The following SYTL2 variants were observed in gnomAD, a reference collection of about 807,000 sequenced individuals.
SYTL2 encodes the protein synaptotagmin-like protein 2.
Under a neutral mutation model 198.7 loss-of-function variants are expected in SYTL2, and 165 were observed. The ratio of observed to expected loss-of-function variants is 0.83; its 90% confidence interval spans 0.73 to 0.94. SYTL2 has a LOEUF of 0.94. SYTL2 is among the 40% of genes least tolerant of loss of function. SYTL2 has a pLI of 0.00. For missense variants in SYTL2, 2,835 were observed against 2,582.8 expected (o/e 1.10, Z -2.12); for synonymous variants, 966 against 917.7 (o/e 1.05, Z -0.95).
the SYTL2 span, among the ~76,000 whole-genome samples, chr11:85,817,619 C>T: frequency 2.0e-5 from 3 of 152,122 alleles, no homozygotes; most frequent in Admixed American, 1.3e-4. Context: ...ACATTCCCTA[C>T]CTCAGTTTTC....
Position 85,709,596 on chromosome 11 carries a change from A to G in SYTL2, c.5746-96T>C. The G allele has an allele frequency of 2.5e-6, 3 of 1,214,412 alleles. No individual in the cohort carries two copies. The South Asian group carries it at 4.1e-5, about 16-fold the overall frequency. 75.2% of individuals were successfully genotyped at this position (1,214,412 alleles called of 1,614,324 possible). ...TAATCCCTGCTGGCATTATTTCTTT[A>G]GCTTGCTTATAAAAGCAGTTAATTC... On this transcript the variant is annotated intron_variant, in intron 13 of 19. Coordinates refer to ENST00000359152, the MANE Select transcript of SYTL2 (RefSeq NM_206927.4).
chr11:85,853,361 C>A, the SYTL2 span: 2 of 442,474 alleles, frequency 4.5e-6, no homozygotes, highest in Non-Finnish European at 9.0e-6. Flanking sequence ...ATGACCTTGC[C>A]CCCAACCCGG....
chr11:85,834,222 A>G, the SYTL2 span, among the ~76,000 whole-genome samples: 1 of 152,146 alleles, frequency 6.6e-6, no homozygotes, highest in African/African-American at 2.4e-5. Flanking sequence ...AAAGAACAAA[A>G]TGGGACTACT....
chr11:85,785,925 T>C (rs2092628555), intron 1 of SYTL2, among the ~76,000 whole-genome samples: 1 of 152,226 alleles, frequency 6.6e-6, no homozygotes, highest in African/African-American at 2.4e-5. Flanking sequence ...GACCTGACTA[T>C]GTTACATAAT....
chr11:85,832,455 T>C, the SYTL2 span, among the ~76,000 whole-genome samples: 1 of 152,208 alleles, frequency 6.6e-6, no homozygotes, highest in African/African-American at 2.4e-5. Context: ...GTTAGACATA[T>C]AGCAGTGAAA....
Position 85,696,232 on chromosome 11 carries a change from G to A in SYTL2, c.6525C>T (p.Tyr2175=), listed in dbSNP as rs773600985. The change falls in exon 19 of 20, where the codon TAC becomes TAT. Residue 2175 remains tyrosine (Y), a synonymous_variant. Coordinates refer to ENST00000359152, the MANE Select transcript of SYTL2 (RefSeq NM_206927.4). The part of the protein sequence containing the change: ...ACVELTVWDH[Y]KLTNQFLGGL... ...CTCCCAAAAATTGGTTGGTTAATTTGTAATGGTCCCAGACAGTAAGCTCTA... is the reference window on the plus strand; with the variant it reads ...CTCCCAAAAATTGGTTGGTTAATTTATAATGGTCCCAGACAGTAAGCTCTA... The A allele has an allele frequency of 6.2e-7, 1 of 1,613,576 alleles. No individual in the cohort carries two copies. The highest frequency in any genetic ancestry group is 2.2e-5 in the East Asian group (1 of 44,820).
At chr11:85,813,001 G>C (rs2093055072), upstream of SYTL2, among the ~76,000 whole-genome samples, 1 of 152,168 alleles carries the variant, frequency 6.6e-6, no homozygotes. Flanking sequence ...TGGGTGCCTT[G>C]TATCATCTGG....
the SYTL2 span, among the ~76,000 whole-genome samples, chr11:85,833,071 GAAAGAAAGAAAGAAA>G: frequency 2.2e-5 from 1 of 45,464 alleles, no homozygotes; most frequent in Non-Finnish European, 4.7e-5. Flanking sequence ...AAGAAAGAAA[GAAAGAAAGAAAGAAA>G]GAAAGAAAGA....
intron 12 of SYTL2, among the ~76,000 whole-genome samples, chr11:85,712,123 T>C (rs1360034072): frequency 6.6e-6 from 1 of 152,228 alleles, no homozygotes; most frequent in Non-Finnish European, 1.5e-5. Context: ...GAGTAGTTAG[T>C]TCATGCCAGC....
intron 4 of SYTL2, among the ~76,000 whole-genome samples, chr11:85,745,025 T>A: frequency 6.6e-6 from 1 of 152,148 alleles, no homozygotes; most frequent in East Asian, 1.9e-4. Context: ...ATAATCTATA[T>A]CCTTAAGAGG....
chr11:85,749,495 TG>T (rs2091382021), intron 2 of SYTL2, among the ~76,000 whole-genome samples: 1 of 152,166 alleles, frequency 6.6e-6, no homozygotes, highest in Non-Finnish European at 1.5e-5. Flanking sequence ...CAGGCATACC[TG>T]GGAGTGGGAA....
chr11:85,731,866 G>A (rs899051832), intron 7 of SYTL2, among the ~76,000 whole-genome samples: 1 of 151,802 alleles, frequency 6.6e-6, no homozygotes, highest in African/African-American at 2.4e-5. Context: ...GAATCTACAA[G>A]GAACTTAAAT....
At chr11:85,695,379 C>A in intron 19 of SYTL2, 39 bp from the exon 20 acceptor site, 1 of 1,509,016 alleles carries the variant, frequency 6.6e-7, no homozygotes. Flanking sequence ...AGAAACAGCT[C>A]ATTGGGGGTA....
Position 85,745,744 on chromosome 11 carries a change from C to T in SYTL2, c.282G>A (p.Gly94=). ...AAEQSKDREN[G]AKESWVNNVN... ...CATTATTCACCCAGCTTTCCTTTGC[C>T]CCATTTTCTCTGTCTTTACTCTGCT... is the stretch of plus-strand genomic sequence containing the variant. The change falls in exon 4 of 20, where the codon GGG becomes GGA. Residue 94 remains glycine, a synonymous_variant. Coordinates refer to ENST00000359152, the MANE Select transcript of SYTL2 (RefSeq NM_206927.4). 1.9e-6 allele frequency: 3 copies of T among 1,613,442 alleles called. No homozygotes were observed. The highest frequency in any genetic ancestry group is 1.1e-5 in the South Asian group (1 of 91,038).
chr11:85,801,232 C>G (rs764309423), intron 1 of SYTL2, among the ~76,000 whole-genome samples: 1 of 151,918 alleles, frequency 6.6e-6, no homozygotes, highest in South Asian at 2.1e-4. Context: ...CATTAGGTAT[C>G]TACTATCCCT....
intron 4 of SYTL2, among the ~76,000 whole-genome samples, chr11:85,743,184 T>C (rs1163300791): frequency 3.3e-5 from 5 of 152,192 alleles, no homozygotes; most frequent in Non-Finnish European, 7.4e-5. Flanking sequence ...CTATTAAAGT[T>C]CACTTAGTCT....
intron 16 of SYTL2, 61 bp from the exon 17 acceptor site, chr11:85,700,654 A>G (rs2084149136): frequency 8.0e-7 from 1 of 1,252,452 alleles, no homozygotes; most frequent in African/African-American, 1.5e-5. Flanking sequence ...TTGTTGGTAT[A>G]GGTCTCATTA....
At chr11:85,849,680 G>C in the SYTL2 span, among the ~76,000 whole-genome samples, 3 of 149,772 alleles carry the variant, frequency 2.0e-5, no homozygotes, top group African/African-American at 7.4e-5. Context: ...TGCTGTTTTG[G>C]TTACTGTAGC....
intron 6 of SYTL2, 57 bp downstream of exon 6, chr11:85,736,444 C>T: frequency 1.2e-6 from 1 of 867,530 alleles, no homozygotes; most frequent in South Asian, 1.7e-5. Context: ...CTGAGAATTT[C>T]CCTTAGTCCA....
Sources: gnomAD v4.1 joint callset for allele counts (sites outside exome capture counted in the v4.1 genomes callset) on GRCh38, gnomAD v4.1.1 for gene constraint, MANE v1.5 for transcripts, NCBI Gene and HGNC (gene_info 2026-07-23, HGNC 2026-07-21) for gene names.